Variants in MAGI2 observed in about 807,000 individuals in gnomAD.
The protein encoded by MAGI2 is membrane-associated guanylate kinase, WW and PDZ domain-containing protein 2.
A neutral mutation model predicts 133.3 loss-of-function variants in MAGI2; 35 were observed. The observed-to-expected ratio is 0.26, with a 90% CI of 0.20 to 0.35. MAGI2 has a LOEUF of 0.35. MAGI2 is among the 10% of genes least tolerant of loss of function. The pLI, the probability that MAGI2 is intolerant of heterozygous loss-of-function variation, is 1.00. For missense variants in MAGI2, 1,636 were observed against 1,863.4 expected, an observed-to-expected ratio of 0.88 and a Z score of 2.25; for synonymous variants, 729 against 710.6, an observed-to-expected ratio of 1.03 and a Z score of -0.41.
At chr7:78,861,772 A>T (rs1210564882) in intron 2 of MAGI2, among the ~76,000 whole-genome samples, 1 of 152,214 alleles carries the variant, frequency 6.6e-6, no homozygotes, top group Non-Finnish European at 1.5e-5. Flanking sequence ...AAATGATTGG[A>T]ATTATTGTGG....
At chr7:79,375,771 A>C (rs1449040885) in intron 1 of MAGI2, among the ~76,000 whole-genome samples, 2 of 151,948 alleles carry the variant, frequency 1.3e-5, no homozygotes, top group Non-Finnish European at 1.5e-5. Flanking sequence ...GGAAGAGGCC[A>C]GTCTGAAAAA....
intron 1 of MAGI2, among the ~76,000 whole-genome samples, chr7:79,230,380 A>G (rs1187769477): frequency 6.6e-6 from 1 of 151,974 alleles, no homozygotes; most frequent in Non-Finnish European, 1.5e-5. Flanking sequence ...GACTTCCACA[A>G]TGGTTGAACT....
intron 2 of MAGI2, among the ~76,000 whole-genome samples, chr7:78,859,000 T>C (rs924279480): frequency 6.6e-5 from 10 of 152,212 alleles, no homozygotes; most frequent in Non-Finnish European, 1.5e-4. Flanking sequence ...AATGGCCTTA[T>C]TTGTCTCTTT....
At chr7:79,291,085 T>G (rs550455039) in intron 1 of MAGI2, among the ~76,000 whole-genome samples, 1 of 146,822 alleles carries the variant, frequency 6.8e-6, no homozygotes, top group Non-Finnish European at 1.5e-5. Flanking sequence ...GCACTCCACT[T>G]TTCCAGTCCT....
At chr7:78,530,125 C>A (rs1797337897) in intron 3 of MAGI2, among the ~76,000 whole-genome samples, 1 of 152,056 alleles carries the variant, frequency 6.6e-6, no homozygotes, top group Non-Finnish European at 1.5e-5. Flanking sequence ...TATATTATCA[C>A]CTGAATAACT....
At chr7:79,019,488 A>G (rs377600922) in intron 1 of MAGI2, among the ~76,000 whole-genome samples, 8 of 152,192 alleles carry the variant, frequency 5.3e-5, no homozygotes, top group African/African-American at 1.9e-4. Flanking sequence ...TGAGTTGACT[A>G]AACCTCTTTT....
chr7:78,340,716 T>A (rs1036500957), intron 9 of MAGI2, among the ~76,000 whole-genome samples: 4 of 152,132 alleles, frequency 2.6e-5, no homozygotes, highest in African/African-American at 9.7e-5. Context: ...CACATGATTA[T>A]CTCAAAAGAT....
intron 2 of MAGI2, among the ~76,000 whole-genome samples, chr7:78,767,643 ACTT>A (rs1339244206): frequency 6.6e-6 from 1 of 152,248 alleles, no homozygotes; most frequent in Non-Finnish European, 1.5e-5. Context: ...GGCCATTACT[ACTT>A]AAGATATTCT....
chr7:78,105,301 T>C (rs1022712716), intron 20 of MAGI2, among the ~76,000 whole-genome samples: 9 of 152,206 alleles, frequency 5.9e-5, no homozygotes, highest in Non-Finnish European at 8.8e-5. Context: ...GTTGAAAACA[T>C]TGCTGTTACA....
intron 9 of MAGI2, among the ~76,000 whole-genome samples, chr7:78,336,221 C>A (rs1402448378): frequency 1.3e-5 from 2 of 152,262 alleles, no homozygotes; most frequent in Non-Finnish European, 2.9e-5. Context: ...TATATATACA[C>A]ACATGCTTAT....
At chr7:78,601,550 T>C (rs552518161) in intron 3 of MAGI2, among the ~76,000 whole-genome samples, 1 of 152,326 alleles carries the variant, frequency 6.6e-6, no homozygotes, top group African/African-American at 2.4e-5. Flanking sequence ...TTCGAGATAT[T>C]GCAAAAATCC....
intron 21 of MAGI2, among the ~76,000 whole-genome samples, chr7:78,020,767 T>C (rs1280683865): frequency 6.6e-6 from 1 of 152,174 alleles, no homozygotes; most frequent in Non-Finnish European, 1.5e-5. Flanking sequence ...AGCATATTCC[T>C]AGCTGCTGTC....
Position 78,264,395 on chromosome 7 carries a change from C to T in MAGI2, c.1409-7814G>A, listed in dbSNP as rs1041780724. On this transcript the variant is annotated intron_variant, in intron 9 of 21. Coordinates refer to ENST00000354212, the MANE Select transcript of MAGI2 (RefSeq NM_012301.4). ...TCTTTTGTGTCCCTCAGCTTATTAT[C>T]GGTCAGAATGCTGGGTAAAATATCT... Among the ~76,000 whole-genome samples the T allele has an allele frequency of 1.6e-4, 24 of 152,218 alleles. 1 individual carries two copies. The highest frequency in any genetic ancestry group is 1.5e-3 in the Admixed American group (23 of 15,282).
At chr7:78,298,813 T>G (rs1797561016) in intron 9 of MAGI2, among the ~76,000 whole-genome samples, 2 of 82,378 alleles carry the variant, frequency 2.4e-5, no homozygotes, top group South Asian at 4.5e-4. Flanking sequence ...CCTAAACGTT[T>G]TTTTTTTTTT....
intron 2 of MAGI2, among the ~76,000 whole-genome samples, chr7:78,649,237 A>AAAAAAAAAAAAAAAAAAAAAAAATAAAAG (rs1563294737): frequency 1.5e-5 from 1 of 65,488 alleles, no homozygotes; most frequent in African/African-American, 4.9e-5. Context: ...AAAAAAAAAG[A>AAAAAAAAAAAAAAAAAAAAAAAATAAAAG]AAAAAAAAGA....
intron 2 of MAGI2, among the ~76,000 whole-genome samples, chr7:78,916,813 G>A (rs1164305275): frequency 2.0e-5 from 3 of 152,246 alleles, no homozygotes; most frequent in African/African-American, 7.2e-5. Context: ...ATGCCTGAGG[G>A]CTTATATGCC....
chr7:78,019,143 T>C lies in MAGI2; in HGVS notation c.*172A>G, dbSNP rs1243797713. ...GGATCAGTTTAGGTCTGCGCGTTGA[T>C]GCGATGCCGCCCAAGCACACCGGAC... is the stretch of plus-strand genomic sequence containing the variant. On this transcript the variant is annotated 3_prime_UTR_variant, in exon 22 of 22. Coordinates refer to ENST00000354212, the MANE Select transcript of MAGI2 (RefSeq NM_012301.4). The C allele has an allele frequency of 1.8e-5, 13 of 734,522 alleles. No homozygotes were observed. Among genetic ancestry groups the C allele is most frequent in the African/African-American group, 3.7e-5 (2 of 54,176 alleles). The allele number at this position is 734,522 out of a possible 1,614,324, so 45.5% of individuals were successfully genotyped here. A position where few individuals can be genotyped will look rare whatever the true frequency, so the allele number is the denominator to read the frequency against.
chr7:78,994,940 A>C (rs1296442802), intron 2 of MAGI2, among the ~76,000 whole-genome samples: 1 of 152,144 alleles, frequency 6.6e-6, no homozygotes, highest in Admixed American at 6.6e-5. Flanking sequence ...CCTATTTATA[A>C]AATTTTATAT....
At chr7:79,328,683 C>A (rs1271247436) in intron 1 of MAGI2, among the ~76,000 whole-genome samples, 1 of 152,102 alleles carries the variant, frequency 6.6e-6, no homozygotes, top group East Asian at 1.9e-4. Flanking sequence ...AAATGTAATG[C>A]AAACAGCAGC....
Sources: allele counts gnomAD v4.1 joint callset (sites outside exome capture counted in the v4.1 genomes callset), GRCh38; gene constraint gnomAD v4.1.1; transcripts MANE v1.5; gene names NCBI Gene and HGNC (gene_info 2026-07-23, HGNC 2026-07-21).